Variants in C3orf18 observed in about 807,000 individuals in gnomAD.
C3orf18 encodes the protein chromosome 3 open reading frame 18, also known as uncharacterized protein C3orf18.
In C3orf18, 12 loss-of-function variants were observed where a neutral mutation model predicts 14.1. The observed-to-expected ratio is 0.85, with a 90% CI of 0.55 to 1.38. The LOEUF (loss-of-function observed/expected upper bound fraction) is 1.38, where lower values mean the gene tolerates loss of function less well. Ranked by LOEUF, C3orf18 falls within the 40% of genes most tolerant of loss-of-function variation. The pLI is 0.00. For missense variants in C3orf18, 196 were observed against 213.9 expected, an observed-to-expected ratio of 0.92 and a Z score of 0.52; for synonymous variants, 82 against 87.9, an observed-to-expected ratio of 0.93 and a Z score of 0.38.
At chr3:50,561,673 C>T (rs781373913) in intron 4 of C3orf18, 49 bp downstream of exon 4, 10 of 1,595,078 alleles carry the variant, frequency 6.3e-6, no homozygotes, top group Middle Eastern at 2.0e-4. Flanking sequence ...CCCAGCACTC[C>T]CCATGGCCTC....
intron 1 of C3orf18, among the ~76,000 whole-genome samples, chr3:50,566,296 A>G (rs1700288267): frequency 1.3e-5 from 2 of 151,814 alleles, no homozygotes; most frequent in South Asian, 4.2e-4. Flanking sequence ...CTTGCCCAAG[A>G]GTCAGACAGG....
At chr3:50,573,781 G>A (rs528392035), upstream of C3orf18, among the ~76,000 whole-genome samples, 1 of 152,364 alleles carries the variant, frequency 6.6e-6, no homozygotes, top group East Asian at 1.9e-4. Context: ...TGAAAGGGGA[G>A]TCTGAAGTGC....
Position 50,559,476 on chromosome 3 carries a change from A to T in C3orf18, c.*181T>A. Reference sequence around the variant, plus strand: ...CAGTGGTCAGAAGTCCAGCCTGGCTAGGGCCCTCTCTTAGAGTCTAAAGTC... The same window carrying T: ...CAGTGGTCAGAAGTCCAGCCTGGCTTGGGCCCTCTCTTAGAGTCTAAAGTC... On this transcript the variant is annotated 3_prime_UTR_variant, in exon 6 of 6. Coordinates refer to ENST00000357203, the MANE Select transcript of C3orf18 (RefSeq NM_016210.5). The T allele has an allele frequency of 7.0e-7, 1 of 1,421,242 alleles. No homozygotes were observed. Among genetic ancestry groups the T allele is most frequent in the Non-Finnish European group, 9.2e-7 (1 of 1,086,396 alleles). The allele number at this position is 1,421,242 out of a possible 1,614,324, so 88.0% of individuals were successfully genotyped here. A position where few individuals can be genotyped will look rare whatever the true frequency, so the allele number is the denominator to read the frequency against.
In C3orf18 at chr3:50,561,055, C is replaced by T. The variant is rs1407991293; in HGVS notation, c.270G>A (p.Lys90=). 6.2e-7 allele frequency: 1 copy of T among 1,613,914 alleles called. No homozygotes were observed. Among genetic ancestry groups the T allele is most frequent in the South Asian group, 1.1e-5 (1 of 91,054 alleles). Residue 90 remains lysine (K), a synonymous_variant, in exon 5 of 6, where the codon AAG becomes AAA. Coordinates refer to ENST00000357203, the MANE Select transcript of C3orf18 (RefSeq NM_016210.5). Reference sequence around the variant, plus strand: ...ACATGGGCATGAGCTGGTGGCGTAGCTTCTCCAGCCTGGGGATGGGGGCAA... The same window carrying T: ...ACATGGGCATGAGCTGGTGGCGTAGTTTCTCCAGCCTGGGGATGGGGGCAA... ...LYIRKKKRLE[K]LRHQLMPMYN...
chr3:50,563,688 C>A (rs572585796), intron 3 of C3orf18, among the ~76,000 whole-genome samples: 37 of 152,292 alleles, frequency 2.4e-4, no homozygotes, highest in African/African-American at 8.7e-4. Context: ...ACTCAGTGAG[C>A]ACCTCTGGGC....
chr3:50,561,826 G>T, intron 3 of C3orf18, 79 bp from the exon 4 acceptor site: 2 of 1,471,304 alleles, frequency 1.4e-6, no homozygotes, highest in Non-Finnish European at 1.9e-6. Context: ...ATGGGGACAT[G>T]CTGAGGCTGA....
rs1411786432 is a variant in C3orf18 at position 50,567,589 on chromosome 3, TCCCTGCAAG to T, written c.-387_-379del. 1 of 152,188 alleles carries T rather than the reference TCCCTGCAAG, an allele frequency of 6.6e-6. No homozygotes were observed. The highest frequency in any genetic ancestry group is 1.5e-5 in the Non-Finnish European group (1 of 68,062). The allele number at this position is 152,188 out of a possible 1,614,324, so 9.4% of individuals were successfully genotyped here. A position where few individuals can be genotyped will look rare whatever the true frequency, so the allele number is the denominator to read the frequency against. ...TGCGGGTCCGACCCGAGATCCGCCC[TCCCTGCAAG>T]CCCCGAGCCGCTGGCCAGGCCCGCT... is the stretch of plus-strand genomic sequence containing the variant. On this transcript the variant is annotated 5_prime_UTR_variant, in exon 1 of 6. Transcript: ENST00000357203.
rs1699792132 is a variant in C3orf18, at chr3:50,558,711, G to C, written c.*946C>G. The C allele has an allele frequency of 1.6e-6, 2 of 1,289,428 alleles. No individual in the cohort carries two copies. Among genetic ancestry groups the C allele is most frequent in the Non-Finnish European group, 2.0e-6 (2 of 988,588 alleles). 79.9% of individuals were successfully genotyped at this position (1,289,428 alleles called of 1,614,324 possible). A position where few individuals can be genotyped will look rare whatever the true frequency, so the allele number is the denominator to read the frequency against. ...GTTTTCAGAAGCAGGTGAGCCCAGTGAAACAATGCAGTGGAGAGAGGAACC... is the reference window on the plus strand; with the variant it reads ...GTTTTCAGAAGCAGGTGAGCCCAGTCAAACAATGCAGTGGAGAGAGGAACC... On this transcript the variant is annotated 3_prime_UTR_variant, in exon 6 of 6. Transcript: ENST00000357203.
intron 1 of C3orf18, among the ~76,000 whole-genome samples, chr3:50,567,253 G>A (rs55852678): frequency 0.026 from 4,010 of 152,266 alleles, 205 homozygotes; most frequent in African/African-American, 0.092. Flanking sequence ...GGAGAGAAGA[G>A]GCCCTACTGA....
At chr3:50,571,121 G>T (rs774515051), upstream of C3orf18, 2 of 1,596,670 alleles carry the variant, frequency 1.3e-6, no homozygotes, top group East Asian at 4.5e-5. Context: ...CTTTGGGGCC[G>T]AATGCTGTGG....
At chr3:50,571,149 A>G (rs1700905170), upstream of C3orf18, 2 of 1,612,450 alleles carry the variant, frequency 1.2e-6, no homozygotes, top group Non-Finnish European at 1.7e-6. Flanking sequence ...TGTCTGGCCC[A>G]GGGAGGAGGG....
At chr3:50,572,285 C>A, upstream of C3orf18, 1 of 1,537,454 alleles carries the variant, frequency 6.5e-7, no homozygotes, top group East Asian at 2.4e-5. Flanking sequence ...CAGGCTTCCT[C>A]CAGGGGGCAC....
In C3orf18 at chr3:50,565,753, C is replaced by T; in HGVS notation, c.-54G>A. 7.1e-7 allele frequency: 1 copy of T among 1,400,236 alleles called. No individual in the cohort carries two copies. Among genetic ancestry groups the T allele is most frequent in the Admixed American group, 1.9e-5 (1 of 53,544 alleles). The allele number at this position is 1,400,236 out of a possible 1,614,324, so 86.7% of individuals were successfully genotyped here. Reference sequence around the variant, plus strand: ...GGCTGCCTGATGCCAGTCAACCTGCCCACTCACTCCTGACTCCGGAGTGCC... The same window carrying T: ...GGCTGCCTGATGCCAGTCAACCTGCTCACTCACTCCTGACTCCGGAGTGCC... On this transcript the variant is annotated 5_prime_UTR_variant, in exon 3 of 6. Coordinates refer to ENST00000357203, the MANE Select transcript of C3orf18 (RefSeq NM_016210.5). This position sits in a 1 kb window ranked among gnomAD's most constrained non-coding sequence, Gnocchi z 4.4.
At chr3:50,567,855 C>T (rs1336696953), upstream of C3orf18, 1 of 152,322 alleles carries the variant, frequency 6.6e-6, no homozygotes, top group African/African-American at 2.4e-5. Context: ...GGCTCCACCC[C>T]CAGAGGGAGC....
In C3orf18 at chr3:50,558,232, A is replaced by C. The variant is rs1699771766; in HGVS notation, c.*1425T>G. 6.4e-6 allele frequency: 1 copy of C among 156,624 alleles called. No homozygotes were observed. Among genetic ancestry groups the C allele is most frequent in the Admixed American group, 6.2e-5 (1 of 16,160 alleles). 9.7% of individuals were successfully genotyped at this position (156,624 alleles called of 1,614,324 possible). ...CCCTCCTGACACATGGCATTTGCCCAGTGGAAGGTCTGCATACACTACCCC... is the reference window on the plus strand; with the variant it reads ...CCCTCCTGACACATGGCATTTGCCCCGTGGAAGGTCTGCATACACTACCCC... On this transcript the variant is annotated 3_prime_UTR_variant, in exon 6 of 6. Transcript: ENST00000357203.
upstream of C3orf18, chr3:50,571,042 C>A: frequency 1.5e-6 from 2 of 1,305,448 alleles, no homozygotes; most frequent in Non-Finnish European, 1.1e-6. Context: ...CTCACCTCAG[C>A]AGCTGACATC....
rs1405254364 is a variant in C3orf18 at position 50,559,672 on chromosome 3, A to C, written c.474T>G (p.Asn158Lys). The C allele has an allele frequency of 6.3e-7, 1 of 1,590,640 alleles. No homozygotes were observed. Among genetic ancestry groups the C allele is most frequent in the Non-Finnish European group, 8.6e-7 (1 of 1,168,142 alleles). The change falls in exon 6 of 6, where the codon AAT becomes AAG. Residue 158 changes from asparagine to lysine, a missense_variant. By Grantham distance (94) the Asn-to-Lys change is moderately conservative. Coordinates refer to ENST00000357203, the MANE Select transcript of C3orf18 (RefSeq NM_016210.5). Reference protein sequence around the residue: ...PSRLVFTDVANAIHA With the variant: ...PSRLVFTDVAKAIHA ...CCCAGGCCACTCACGCATGGATGGC[A>C]TTGGCCACATCGGTAAACACCAGCC...
At chr3:50,567,990 GC>G (rs1219012289), upstream of C3orf18, among the ~76,000 whole-genome samples, 2 of 152,260 alleles carry the variant, frequency 1.3e-5, no homozygotes, top group Admixed American at 1.3e-4. Context: ...AGCTACCCGT[GC>G]CAGGACAGAC....
At chr3:50,572,097 C>G, upstream of C3orf18, 4 of 1,611,344 alleles carry the variant, frequency 2.5e-6, no homozygotes, top group Non-Finnish European at 3.4e-6. Context: ...GATGACCACC[C>G]AGCTGCCCCC....
Sources: allele counts gnomAD v4.1 joint callset (sites outside exome capture counted in the v4.1 genomes callset), GRCh38; gene constraint gnomAD v4.1.1; non-coding constraint Gnocchi (gnomAD v3.1); transcripts MANE v1.5; gene names NCBI Gene and HGNC (gene_info 2026-07-23, HGNC 2026-07-21).